Variants in AUTS2 observed in about 807,000 individuals in gnomAD.
AUTS2 encodes autism susceptibility gene 2 protein.
In AUTS2, 17 loss-of-function variants were observed where a neutral mutation model predicts 112.4. The ratio of observed to expected loss-of-function variants is 0.15; its 90% CI spans 0.10 to 0.23. The LOEUF is 0.23. Ranked by LOEUF, AUTS2 falls within the 10% of genes least tolerant of loss-of-function variation. AUTS2 has a pLI of 1.00. For synonymous variants in AUTS2, 751 were observed against 702.7 expected (o/e 1.07, Z -1.09); for missense variants, 1,510 against 1,701.6 (o/e 0.89, Z 1.98).
At chr7:69,772,705 A>T (rs182454673) in intron 1 of AUTS2, among the ~76,000 whole-genome samples, 1 of 152,320 alleles carries the variant, frequency 6.6e-6, no homozygotes, top group Admixed American at 6.5e-5. Context: ...AAGTGCTGAG[A>T]TTATAGGCAT....
intron 5 of AUTS2, among the ~76,000 whole-genome samples, chr7:70,589,401 A>G (rs1419554238): frequency 5.5e-5 from 3 of 54,212 alleles, no homozygotes; most frequent in African/African-American, 1.0e-4. Context: ...CCCCCTGGGA[A>G]AAAAAATGAC....
At chr7:69,739,991 G>T (rs1169230763) in intron 1 of AUTS2, among the ~76,000 whole-genome samples, 3 of 152,196 alleles carry the variant, frequency 2.0e-5, no homozygotes, top group Admixed American at 6.5e-5. Context: ...GGTCTTTGTG[G>T]CTACGAGGAC....
intron 1 of AUTS2, among the ~76,000 whole-genome samples, chr7:69,749,783 A>C (rs1787658972): frequency 6.6e-6 from 1 of 152,238 alleles, no homozygotes; most frequent in South Asian, 2.1e-4. Context: ...TGAAATACAC[A>C]AAAATAAATA....
chr7:70,160,646 T>C (rs1808029366), intron 4 of AUTS2, among the ~76,000 whole-genome samples: 1 of 152,226 alleles, frequency 6.6e-6, no homozygotes, highest in African/African-American at 2.4e-5. Context: ...GTTATTGTTG[T>C]CTTTTCTACT....
intron 5 of AUTS2, among the ~76,000 whole-genome samples, chr7:70,556,855 C>A (rs559135751): frequency 6.6e-6 from 1 of 152,232 alleles, no homozygotes; most frequent in South Asian, 2.1e-4. Context: ...AACTGCTTGC[C>A]CTTCCCCACA....
chr7:69,964,324 G>GA (rs1353081687), intron 2 of AUTS2, among the ~76,000 whole-genome samples: 6 of 152,134 alleles, frequency 3.9e-5, no homozygotes, highest in Non-Finnish European at 7.4e-5. Context: ...TCGCAGCCTG[G>GA]AAGGCACAGC....
At chr7:69,988,369 ATGT>A (rs1003091431) in intron 2 of AUTS2, among the ~76,000 whole-genome samples, 4 of 152,174 alleles carry the variant, frequency 2.6e-5, no homozygotes, top group Non-Finnish European at 5.9e-5. Flanking sequence ...CTGGAATTTA[ATGT>A]TGTTTTTTTC....
At chr7:69,767,166 A>G (rs913822832) in intron 1 of AUTS2, among the ~76,000 whole-genome samples, 3 of 150,856 alleles carry the variant, frequency 2.0e-5, no homozygotes, top group Non-Finnish European at 3.0e-5. Context: ...TATTACAAGG[A>G]CATTTCTTTG....
At chr7:70,083,263 A>C (rs1803412888) in intron 2 of AUTS2, among the ~76,000 whole-genome samples, 1 of 152,148 alleles carries the variant, frequency 6.6e-6, no homozygotes. Context: ...CGTGCTGTGT[A>C]GGCACCTTCT....
At chr7:70,357,503 G>A (rs1388739407) in intron 4 of AUTS2, among the ~76,000 whole-genome samples, 2 of 152,102 alleles carry the variant, frequency 1.3e-5, no homozygotes, top group Non-Finnish European at 2.9e-5. Context: ...AGGTCTAATT[G>A]TGCCAGAACA....
intron 1 of AUTS2, among the ~76,000 whole-genome samples, chr7:69,738,783 C>CT (rs952093454): frequency 3.3e-5 from 5 of 152,122 alleles, no homozygotes; most frequent in African/African-American, 9.7e-5. Flanking sequence ...AAGCACTACT[C>CT]TAACGGTTTT....
chr7:69,910,404 G>T (rs10266126), intron 2 of AUTS2, among the ~76,000 whole-genome samples: 28,993 of 152,126 alleles, frequency 0.19, 3,073 homozygotes, highest in African/African-American at 0.26. Context: ...GAGTGGCAAG[G>T]GGTGTGTGGG....
At position 70,638,710 on chromosome 7, in the gene AUTS2, T is replaced by G. The variant is rs541524777; in HGVS notation, c.691-59859T>G. ...CGCTTTAATCTTTTTTTCCCTTTAG[T>G]TTACAGTGTAAGAGCTGCATGTAAG... On this transcript the variant is annotated intron_variant, in intron 5 of 18. Transcript: ENST00000342771. 2.6e-5 allele frequency among the ~76,000 whole-genome samples: 4 copies of G among 152,288 alleles called. No homozygotes were observed. The East Asian group carries it at 7.7e-4, about 29-fold the overall frequency.
chr7:70,484,045 T>G (rs559747203), intron 5 of AUTS2, among the ~76,000 whole-genome samples: 25 of 152,342 alleles, frequency 1.6e-4, no homozygotes, highest in Admixed American at 1.2e-3. Context: ...CTTGAATTAT[T>G]ATGGAAGTAA....
chr7:69,651,648 A>T (rs1795293516), intron 1 of AUTS2, among the ~76,000 whole-genome samples: 1 of 152,220 alleles, frequency 6.6e-6, no homozygotes, highest in Admixed American at 6.5e-5. Flanking sequence ...CAGAGAAGTT[A>T]CACAGAATAT....
chr7:70,707,362 C>T (rs1354356305), intron 6 of AUTS2, among the ~76,000 whole-genome samples: 1 of 152,186 alleles, frequency 6.6e-6, no homozygotes, highest in African/African-American at 2.4e-5. Context: ...AATGAGGCAA[C>T]TTGTCCAAGG....
chr7:70,062,896 A>G (rs1300200838), intron 2 of AUTS2, among the ~76,000 whole-genome samples: 2 of 152,160 alleles, frequency 1.3e-5, no homozygotes, highest in Non-Finnish European at 2.9e-5. Context: ...AAGTGGATAC[A>G]TTATCTTCTT....
chr7:70,186,019 G>A (rs1464502829), intron 4 of AUTS2, among the ~76,000 whole-genome samples: 1 of 152,142 alleles, frequency 6.6e-6, no homozygotes, highest in African/African-American at 2.4e-5. Flanking sequence ...AGAGATAATT[G>A]CAGGATATAT....
At chr7:70,591,701 ACT>A (rs1802957850) in intron 5 of AUTS2, among the ~76,000 whole-genome samples, 3 of 151,736 alleles carry the variant, frequency 2.0e-5, no homozygotes, top group Admixed American at 1.3e-4. Context: ...GCCTGCCCCG[ACT>A]CTCTTCTTAA....
Sources: gnomAD v4.1 joint callset for allele counts (sites outside exome capture counted in the v4.1 genomes callset) on GRCh38, gnomAD v4.1.1 for gene constraint, MANE v1.5 for transcripts, NCBI Gene and HGNC (gene_info 2026-07-23, HGNC 2026-07-21) for gene names.